The following YAP1 variants were observed in gnomAD, a reference collection of about 807,000 sequenced individuals.
YAP1 encodes the protein Yes1 associated transcriptional regulator, also known as transcriptional coactivator YAP1.
A neutral mutation model predicts 56.9 loss-of-function variants in YAP1; 5 were observed. The ratio of observed to expected loss-of-function variants is 0.09; its 90% CI spans 0.05 to 0.18. YAP1 has a LOEUF of 0.18. Among genes scored for constraint, YAP1 ranks in the 10% least tolerant of loss-of-function variants. The probability of loss-of-function intolerance (pLI) is 1.00; values close to 1 mark genes in which losing one functional copy is unlikely to be tolerated. For synonymous variants in YAP1, 265 were observed against 248.1 expected (o/e 1.07, Z -0.64); for missense variants, 539 against 651.8 (o/e 0.83, Z 1.88).
At chr11:102,112,036 T>C (rs1220258929) in intron 1 of YAP1, among the ~76,000 whole-genome samples, 1 of 152,234 alleles carries the variant, frequency 6.6e-6, no homozygotes, top group African/African-American at 2.4e-5. Context: ...TTGTAGACTA[T>C]TATTTACAGT....
chr11:102,149,067 G>C (rs905929821), intron 2 of YAP1, among the ~76,000 whole-genome samples: 1 of 152,048 alleles, frequency 6.6e-6, no homozygotes, highest in East Asian at 1.9e-4. Flanking sequence ...GTTTTTGTTG[G>C]TTACAGTTTG....
chr11:102,212,391 G>A (rs1241896738), intron 6 of YAP1, among the ~76,000 whole-genome samples: 1 of 151,922 alleles, frequency 6.6e-6, no homozygotes, highest in Non-Finnish European at 1.5e-5. Flanking sequence ...GTATGGGTGA[G>A]GTTAATGAAA....
In YAP1 at chr11:102,227,551, T is replaced by C. The variant is rs745652610; in HGVS notation, c.1246T>C (p.Phe416Leu). Residue 416 changes from phenylalanine (F) to leucine (L), a missense_variant, in exon 8 of 9, where the codon TTC (phenylalanine) becomes CTC (leucine). Physicochemically the swap from Phe to Leu is conservative, Grantham distance 22 (BLOSUM62 0). This residue lies in a region of YAP1 where 414 missense variants were observed against 512.4 expected (regional missense o/e 0.81). Coordinates refer to ENST00000282441, the MANE Select transcript of YAP1 (RefSeq NM_001130145.3). ...SYSVPRTPDD[F>L]LNSVDEMDTG... Reference sequence around the variant, plus strand: ...CAGTGTCCCTCGAACCCCAGATGACTTCCTGAACAGTGTGGATGAGATGGA... The same window carrying C: ...CAGTGTCCCTCGAACCCCAGATGACCTCCTGAACAGTGTGGATGAGATGGA... 8.1e-6 allele frequency: 13 copies of C among 1,613,844 alleles called. No individual in the cohort carries two copies. In the South Asian group the frequency reaches 1.3e-4, roughly 16 times the overall value.
intron 2 of YAP1, among the ~76,000 whole-genome samples, chr11:102,120,924 A>C (rs539542981): frequency 1.5e-3 from 221 of 152,342 alleles, no homozygotes; most frequent in African/African-American, 5.0e-3. Context: ...TAAAAAGTAC[A>C]TACGCTGCCA....
intron 6 of YAP1, among the ~76,000 whole-genome samples, chr11:102,211,961 C>G (rs1448593259): frequency 6.6e-6 from 1 of 152,134 alleles, no homozygotes. Flanking sequence ...CCTCGGCCTC[C>G]CAAAGCACTG....
intron 2 of YAP1, among the ~76,000 whole-genome samples, chr11:102,140,828 G>C (rs577994315): frequency 6.6e-6 from 1 of 151,952 alleles, no homozygotes; most frequent in Admixed American, 6.6e-5. Context: ...GGGCAATAGA[G>C]TGAGATTCCA....
intron 6 of YAP1, among the ~76,000 whole-genome samples, chr11:102,214,647 G>GT (rs1273876604): frequency 2.0e-5 from 3 of 152,016 alleles, no homozygotes; most frequent in African/African-American, 7.2e-5. Flanking sequence ...TTATTTGAAG[G>GT]TTTTCCAATG....
intron 2 of YAP1, among the ~76,000 whole-genome samples, chr11:102,134,691 C>T (rs980139012): frequency 1.3e-5 from 2 of 151,840 alleles, no homozygotes; most frequent in Non-Finnish European, 2.9e-5. Context: ...CCAGAGGTAA[C>T]TTCTGGCCTT....
chr11:102,143,634 C>A (rs1173896715), intron 2 of YAP1, among the ~76,000 whole-genome samples: 1 of 152,126 alleles, frequency 6.6e-6, no homozygotes, highest in Non-Finnish European at 1.5e-5. Context: ...TATATGTTCC[C>A]CTTTATTACC....
At chr11:102,189,498 T>C (rs188803824) in intron 4 of YAP1, among the ~76,000 whole-genome samples, 1 of 152,206 alleles carries the variant, frequency 6.6e-6, no homozygotes, top group Admixed American at 6.5e-5. Context: ...AAATATTTGG[T>C]GTAAACAAAA....
chr11:102,161,442 GTAT>G (rs1433734501), intron 2 of YAP1, among the ~76,000 whole-genome samples: 2 of 151,100 alleles, frequency 1.3e-5, no homozygotes, highest in Non-Finnish European at 2.9e-5. Flanking sequence ...TTTAAAAACT[GTAT>G]TATTAATATT....
intron 2 of YAP1, among the ~76,000 whole-genome samples, chr11:102,127,736 C>G (rs1376143857): frequency 6.6e-6 from 1 of 152,168 alleles, no homozygotes; most frequent in Non-Finnish European, 1.5e-5. Flanking sequence ...CACCTTGCAT[C>G]GTGCTCCTGG....
At chr11:102,148,949 T>G (rs1945475348) in intron 2 of YAP1, among the ~76,000 whole-genome samples, 1 of 152,216 alleles carries the variant, frequency 6.6e-6, no homozygotes, top group Admixed American at 6.5e-5. Flanking sequence ...TATAACTATT[T>G]GTTGTTCCAC....
In YAP1 at chr11:102,148,729, CATT is replaced by C. The variant is rs540114384; in HGVS notation, c.573-13724_573-13722del. ...TCCTCACCTTCTGTCTGTTCTTGGT[CATT>C]ATATCAATCTACTTTTAAGAACATA... On this transcript the variant is annotated intron_variant, in intron 2 of 8. Coordinates refer to ENST00000282441, the MANE Select transcript of YAP1 (RefSeq NM_001130145.3). Among the ~76,000 whole-genome samples, 13 of 152,254 alleles carry C rather than the reference CATT, an allele frequency of 8.5e-5. No individual in the cohort carries two copies. In the East Asian group the frequency reaches 2.5e-3, roughly 29 times the overall value.
At chr11:102,167,346 G>A (rs973148679) in intron 3 of YAP1, among the ~76,000 whole-genome samples, 2 of 152,192 alleles carry the variant, frequency 1.3e-5, no homozygotes, top group African/African-American at 2.4e-5. Flanking sequence ...TAAGATAATG[G>A]TTGTACTTTA....
chr11:102,195,634 G>T (rs1948535347), intron 4 of YAP1, among the ~76,000 whole-genome samples: 1 of 152,124 alleles, frequency 6.6e-6, no homozygotes, highest in Admixed American at 6.5e-5. Flanking sequence ...TTTATAAGGG[G>T]CTTCCCCCTT....
intron 4 of YAP1, among the ~76,000 whole-genome samples, chr11:102,187,968 C>G (rs138867280): frequency 6.6e-6 from 1 of 152,198 alleles, no homozygotes; most frequent in African/African-American, 2.4e-5. Context: ...ATTTTGTGGC[C>G]CGACTTTTAA....
intron 2 of YAP1, among the ~76,000 whole-genome samples, chr11:102,157,356 T>G (rs1447208316): frequency 6.6e-6 from 1 of 152,208 alleles, no homozygotes; most frequent in African/African-American, 2.4e-5. Context: ...TCATTGTTCC[T>G]AGAGTCAGTT....
chr11:102,218,232 C>A (rs184678884), intron 6 of YAP1, among the ~76,000 whole-genome samples: 2 of 152,242 alleles, frequency 1.3e-5, no homozygotes, highest in African/African-American at 4.8e-5. Context: ...TATCATTGGC[C>A]TTGTTACATT....
Sources: gnomAD v4.1 joint callset for allele counts (sites outside exome capture counted in the v4.1 genomes callset) on GRCh38, gnomAD v4.1.1 for gene constraint, gnomAD v4.1.1 regional missense constraint, MANE v1.5 for transcripts, NCBI Gene and HGNC (gene_info 2026-07-23, HGNC 2026-07-21) for gene names.